The following FAM184B variants were observed in gnomAD, a reference collection of about 807,000 sequenced individuals.
FAM184B encodes the protein family with sequence similarity 184 member B, also known as protein FAM184B.
In FAM184B, 111 loss-of-function variants were observed where a neutral mutation model predicts 135.9. The ratio of observed to expected loss-of-function variants is 0.82; its 90% CI spans 0.70 to 0.96. The LOEUF (loss-of-function observed/expected upper bound fraction) is 0.96. FAM184B is among the 40% of genes least tolerant of loss of function. The pLI is 0.00. For synonymous variants in FAM184B, 552 were observed against 524.8 expected, an observed-to-expected ratio of 1.05 and a Z score of -0.71; for missense variants, 1,375 against 1,323.9, an observed-to-expected ratio of 1.04 and a Z score of -0.60.
intron 1 of FAM184B, among the ~76,000 whole-genome samples, chr4:17,773,756 T>C (rs931712264): frequency 5.9e-5 from 9 of 152,086 alleles, no homozygotes; most frequent in Admixed American, 4.6e-4. Context: ...TTTGTATTTT[T>C]AGTAGAGATG....
intron 1 of FAM184B, among the ~76,000 whole-genome samples, chr4:17,780,600 A>G (rs1393930734): frequency 6.6e-6 from 1 of 151,952 alleles, no homozygotes; most frequent in African/African-American, 2.4e-5. Flanking sequence ...TCCTAATCCC[A>G]TAGTTATTTG....
chr4:17,710,734 T>A (rs899041457), intron 1 of FAM184B, among the ~76,000 whole-genome samples: 2 of 152,176 alleles, frequency 1.3e-5, no homozygotes, highest in Admixed American at 6.5e-5. Context: ...AGGAGCACAA[T>A]GAGAAGCCCG....
chr4:17,633,862 G>A lies in FAM184B; in HGVS notation c.2916C>T (p.Ser972=). 2 of 1,550,464 alleles carry A rather than the reference G, an allele frequency of 1.3e-6. No homozygotes were observed. The highest frequency in any genetic ancestry group is 1.7e-6 in the Non-Finnish European group (2 of 1,146,482). Residue 972 remains serine, a synonymous_variant, in exon 17 of 18, where the codon AGC becomes AGT. Coordinates refer to ENST00000265018, the MANE Select transcript of FAM184B (RefSeq NM_015688.2). ...CGAGGTTCGGCACGCTGACCACGCG[G>A]CTGGGCACGTCCTCCACCTTCTTTT... ...MKKKKVEDVP[S]RVVSVPNLAS...
intron 1 of FAM184B, among the ~76,000 whole-genome samples, chr4:17,779,843 TA>T (rs1719000473): frequency 6.6e-6 from 1 of 152,230 alleles, no homozygotes; most frequent in African/African-American, 2.4e-5. Flanking sequence ...CTTGTTTCTT[TA>T]AAACTATTTT....
chr4:17,685,242 A>G (rs73093744), intron 7 of FAM184B, among the ~76,000 whole-genome samples: 314 of 150,732 alleles, frequency 2.1e-3, no homozygotes, highest in African/African-American at 7.3e-3. Context: ...TTGAAAGACA[A>G]CATTCTAGAT....
chr4:17,632,692 C>CAT, intron 17 of FAM184B, 67 bp from the exon 18 acceptor site: 1 of 1,058,758 alleles, frequency 9.4e-7, no homozygotes, highest in Non-Finnish European at 1.4e-6. Flanking sequence ...TAATACCCAC[C>CAT]ATCTTTTCAG....
intron 7 of FAM184B, among the ~76,000 whole-genome samples, chr4:17,686,846 G>A (rs1443378404): frequency 6.6e-6 from 1 of 152,200 alleles, no homozygotes; most frequent in Non-Finnish European, 1.5e-5. Flanking sequence ...GGAGGCTGAG[G>A]TGGGAGGATC....
At chr4:17,708,685 A>AG (rs1245017539) in intron 2 of FAM184B, among the ~76,000 whole-genome samples, 9 of 48,266 alleles carry the variant, frequency 1.9e-4, no homozygotes, top group Non-Finnish European at 2.9e-4. Context: ...ATATATATAT[A>AG]TATATATATA....
chr4:17,698,283 C>T (rs1716909296), intron 5 of FAM184B, among the ~76,000 whole-genome samples: 2 of 152,052 alleles, frequency 1.3e-5, no homozygotes, highest in African/African-American at 2.4e-5. Context: ...TTTATGGCAC[C>T]CATTTTACAC....
intron 1 of FAM184B, among the ~76,000 whole-genome samples, chr4:17,763,977 A>T (rs1718601186): frequency 6.6e-6 from 1 of 152,162 alleles, no homozygotes; most frequent in Non-Finnish European, 1.5e-5. Flanking sequence ...ATGTGAAGAT[A>T]TCACTTTTCA....
intron 1 of FAM184B, among the ~76,000 whole-genome samples, chr4:17,770,133 A>T (rs1391996420): frequency 2.0e-5 from 3 of 152,244 alleles, no homozygotes; most frequent in Admixed American, 2.0e-4. Context: ...ACAATAAAAA[A>T]ATTTATTATA....
intron 7 of FAM184B, among the ~76,000 whole-genome samples, chr4:17,682,311 A>ATC (rs1716461030): frequency 5.9e-5 from 9 of 152,172 alleles, no homozygotes; most frequent in Non-Finnish European, 1.3e-4. Flanking sequence ...AATCAAGGAG[A>ATC]CTGGCAGGGA....
At chr4:17,704,564 G>T (rs6449331) in intron 5 of FAM184B, among the ~76,000 whole-genome samples, 107,596 of 152,106 alleles carry the variant, frequency 0.71, 38,851 homozygotes, top group Non-Finnish European at 0.79. Flanking sequence ...ATGTGGAATT[G>T]CCCTCTGTGG....
At chr4:17,726,092 T>C (rs1368797113) in intron 1 of FAM184B, among the ~76,000 whole-genome samples, 1 of 151,652 alleles carries the variant, frequency 6.6e-6, no homozygotes, top group East Asian at 2.0e-4. Context: ...CCCAGCTAAT[T>C]TTTTCGTATT....
At chr4:17,685,193 G>C in intron 7 of FAM184B, among the ~76,000 whole-genome samples, 1 of 138,178 alleles carries the variant, frequency 7.2e-6, no homozygotes, top group East Asian at 2.1e-4. Flanking sequence ...ATGTACCCTG[G>C]AACTTAAAAA....
chr4:17,683,052 G>C (rs1164136282), intron 7 of FAM184B, among the ~76,000 whole-genome samples: 1 of 152,204 alleles, frequency 6.6e-6, no homozygotes, highest in African/African-American at 2.4e-5. Context: ...GTGGTTGCAG[G>C]TATGGCAGTA....
chr4:17,781,308 CG>C lies in FAM184B; in HGVS notation c.-10del. 3 of 1,526,386 alleles carry C rather than the reference CG, an allele frequency of 2.0e-6. No individual in the cohort carries two copies. The highest frequency in any genetic ancestry group is 2.7e-6 in the Non-Finnish European group (3 of 1,130,666). The allele number at this position is 1,526,386 out of a possible 1,614,324, so 94.6% of individuals were successfully genotyped here. A position where few individuals can be genotyped will look rare whatever the true frequency, so the allele number is the denominator to read the frequency against. ...TTGAGAGCAGAAGCCATCGCTAAAA[CG>C]CGCCCAGCACTCAGACTCTCTCGTT... On this transcript the variant is annotated 5_prime_UTR_variant, in exon 1 of 18. Transcript: ENST00000265018. This position sits in a 1 kb window ranked among gnomAD's most constrained non-coding sequence, Gnocchi z 6.5.
chr4:17,763,216 C>G (rs1383068953), intron 1 of FAM184B, among the ~76,000 whole-genome samples: 1 of 152,126 alleles, frequency 6.6e-6, no homozygotes, highest in Non-Finnish European at 1.5e-5. Context: ...CTTTTGAGCA[C>G]TGGCCTCCAA....
At chr4:17,777,962 A>G (rs1718963086) in intron 1 of FAM184B, among the ~76,000 whole-genome samples, 1 of 152,028 alleles carries the variant, frequency 6.6e-6, no homozygotes. Flanking sequence ...TTAGCTGGGC[A>G]TGGTGGCTCA....
Sources: allele counts gnomAD v4.1 joint callset (sites outside exome capture counted in the v4.1 genomes callset), GRCh38; gene constraint gnomAD v4.1.1; non-coding constraint Gnocchi (gnomAD v3.1); transcripts MANE v1.5; gene names NCBI Gene and HGNC (gene_info 2026-07-23, HGNC 2026-07-21).